PPFIA4: variants seen among roughly 807,000 people sequenced by gnomAD.
PPFIA4 encodes the protein PPFI scaffold protein A4.
In PPFIA4, 98 loss-of-function variants were observed where a neutral mutation model predicts 145.7. The observed-to-expected ratio is 0.67, with a 90% CI of 0.57 to 0.80. The LOEUF (loss-of-function observed/expected upper bound fraction) is 0.80, where lower values mean the gene tolerates loss of function less well. PPFIA4 is among the 30% of genes least tolerant of loss of function. The probability of loss-of-function intolerance (pLI) is 0.00; values close to 1 mark genes in which losing one functional copy is unlikely to be tolerated. For synonymous variants in PPFIA4, 628 were observed against 649.6 expected (o/e 0.97, Z 0.51); for missense variants, 1,457 against 1,632.7 (o/e 0.89, Z 1.85).
At chr1:203,047,949 G>A (rs1221766901) in intron 9 of PPFIA4, among the ~76,000 whole-genome samples, 2 of 152,182 alleles carry the variant, frequency 1.3e-5, no homozygotes, top group African/African-American at 2.4e-5. Flanking sequence ...GGAAGCATGG[G>A]GATTATTTAC....
chr1:203,069,858 C>T (rs909096938), intron 27 of PPFIA4, among the ~76,000 whole-genome samples: 26 of 151,330 alleles, frequency 1.7e-4, no homozygotes, highest in African/African-American at 6.3e-4. Flanking sequence ...GTTCTCTCCA[C>T]TTGCCCACTT....
At chr1:203,071,103 C>T (rs1005083823) in intron 27 of PPFIA4, among the ~76,000 whole-genome samples, 1 of 151,680 alleles carries the variant, frequency 6.6e-6, no homozygotes, top group African/African-American at 2.4e-5. Context: ...GTGTTCACAA[C>T]CATGCCCAGT....
intron 1 of PPFIA4, chr1:203,035,272 C>CT (rs1659154421): frequency 2.2e-6 from 1 of 456,594 alleles, no homozygotes; most frequent in Non-Finnish European, 4.4e-6. Context: ...TCCGCAGGGG[C>CT]TGGCAACCTT....
intron 27 of PPFIA4, among the ~76,000 whole-genome samples, chr1:203,070,563 C>A (rs866793156): frequency 3.9e-5 from 4 of 103,664 alleles, no homozygotes; most frequent in Non-Finnish European, 7.3e-5. Context: ...GCCTGGGCAA[C>A]AGAATGAGAC....
At chr1:203,044,283 C>A in intron 4 of PPFIA4, 96 bp from the exon 5 acceptor site, 2 of 1,260,904 alleles carry the variant, frequency 1.6e-6, no homozygotes, top group Non-Finnish European at 2.2e-6. Flanking sequence ...CCTTCACTGT[C>A]CTCATGCTCA....
In PPFIA4 at chr1:203,048,419, C is replaced by T; in HGVS notation, c.1224+109C>T. 2 of 1,474,966 alleles carry T rather than the reference C, an allele frequency of 1.4e-6. No homozygotes were observed. Among genetic ancestry groups the T allele is most frequent in the East Asian group, 2.4e-5 (1 of 40,996 alleles). 91.4% of individuals were successfully genotyped at this position (1,474,966 alleles called of 1,614,324 possible). A position where few individuals can be genotyped will look rare whatever the true frequency, so the allele number is the denominator to read the frequency against. On this transcript the variant is annotated intron_variant, in intron 10 of 29. Transcript: ENST00000295706. This position sits in a 1 kb window ranked among gnomAD's most constrained non-coding sequence, Gnocchi z 5.8. ...AAGGGCCTGGCCAGGGACACAGCCA[C>T]AGAGAGTGGGAGGAGGCTGGCAGGT...
In PPFIA4 at chr1:203,056,462, C is replaced by T. The variant is rs772096835; in HGVS notation, c.2194C>T (p.Leu732=). The T allele has an allele frequency of 2.1e-5, 34 of 1,613,886 alleles. No individual in the cohort carries two copies. Among genetic ancestry groups the T allele is most frequent in the Non-Finnish European group, 2.8e-5 (33 of 1,179,898 alleles). ...TCCTTCCTCACCCAGGACGCTGCGG[C>T]TAGAGAAGCTTGGCCACCCAGCCCT... The part of the protein sequence containing the change: ...SPPSSPRTLR[L]EKLGHPALSQ... The change falls in exon 18 of 30, where the codon CTA becomes TTA. Residue 732 remains leucine, a synonymous_variant. Transcript: ENST00000295706.
chr1:203,055,369 G>T lies in PPFIA4; in HGVS notation c.1830-63G>T, dbSNP rs924080111. The T allele has an allele frequency of 2.5e-6, 4 of 1,603,990 alleles. No individual in the cohort carries two copies. Among genetic ancestry groups the T allele is most frequent in the African/African-American group, 1.3e-5 (1 of 74,752 alleles). On this transcript the variant is annotated intron_variant, in intron 15 of 29. Coordinates refer to ENST00000295706, the MANE Select transcript of PPFIA4 (RefSeq NM_001304331.2). This position sits in a 1 kb window ranked among gnomAD's most constrained non-coding sequence, Gnocchi z 4.8. ...TGGTGGCGAGTGCAGGCATCGACCCGCACTGCCTCCTGCTGGTCCTGGCTG... is the reference window on the plus strand; with the variant it reads ...TGGTGGCGAGTGCAGGCATCGACCCTCACTGCCTCCTGCTGGTCCTGGCTG...
chr1:203,071,639 G>T (rs1408667832), intron 27 of PPFIA4, 53 bp from the exon 28 acceptor site: 2 of 1,364,628 alleles, frequency 1.5e-6, no homozygotes, highest in African/African-American at 2.9e-5. Context: ...TGGCATAAAG[G>T]TAGTTAACTA....
Position 203,045,531 on chromosome 1 carries a change from G to A in PPFIA4, c.830G>A (p.Ser277Asn), listed in dbSNP as rs1429612298. Residue 277 changes from serine to asparagine, a missense_variant, in exon 7 of 30, where the codon AGC becomes AAC. Around this residue, in one of 3 missense-constraint regions of PPFIA4, gnomAD observed 463 missense variants for 459.8 expected, o/e 1.01. Transcript: ENST00000295706. ...RRDLIKSEEL[S>N]SKHQRDLREA... ...GACCTCATCAAGTCGGAGGAGCTGA[G>A]CAGCAAGCATCAGCGGGACCTCCGG... 29 of 1,602,088 alleles carry A rather than the reference G, an allele frequency of 1.8e-5. No homozygotes were observed. Among genetic ancestry groups the A allele is most frequent in the Non-Finnish European group, 2.5e-5 (29 of 1,175,224 alleles).
intron 1 of PPFIA4, chr1:203,035,550 G>A (rs904053912): frequency 2.2e-6 from 1 of 456,786 alleles, no homozygotes; most frequent in Non-Finnish European, 4.4e-6. Flanking sequence ...CTCTTCCTCT[G>A]TTTCACAGCC....
At chr1:203,070,452 C>T (rs891520533) in intron 27 of PPFIA4, among the ~76,000 whole-genome samples, 8 of 151,974 alleles carry the variant, frequency 5.3e-5, no homozygotes, top group South Asian at 2.1e-4. Flanking sequence ...TTTGGTAATG[C>T]GTGACTGTAG....
At position 203,060,151 on chromosome 1, in the gene PPFIA4, C is replaced by G; in HGVS notation, c.2584-66C>G. The stretch of plus-strand genomic sequence containing the variant: ...GATGAGGCCTGGCCCTTGCCCCTTG[C>G]TGTTGCCAAACTCTTGGTGGTAGGG... On this transcript the variant is annotated intron_variant, in intron 21 of 29. Transcript: ENST00000295706. This position sits in a 1 kb window ranked among gnomAD's most constrained non-coding sequence, Gnocchi z 4.8. The G allele has an allele frequency of 1.3e-6, 2 of 1,525,344 alleles. No homozygotes were observed. Among genetic ancestry groups the G allele is most frequent in the Non-Finnish European group, 1.8e-6 (2 of 1,114,234 alleles). The allele number at this position is 1,525,344 out of a possible 1,614,324, so 94.5% of individuals were successfully genotyped here.
At chr1:203,036,848 A>G (rs1198754042) in intron 1 of PPFIA4, among the ~76,000 whole-genome samples, 1 of 152,174 alleles carries the variant, frequency 6.6e-6, no homozygotes, top group African/African-American at 2.4e-5. Flanking sequence ...CCAAGCTTCT[A>G]CTTTTTACTT....
chr1:203,076,593 G>A lies in PPFIA4; in HGVS notation c.*203G>A, dbSNP rs1662568495. 1.7e-6 allele frequency: 1 copy of A among 599,782 alleles called. No individual in the cohort carries two copies. Among genetic ancestry groups the A allele is most frequent in the Non-Finnish European group, 3.0e-6 (1 of 337,874 alleles). The allele number at this position is 599,782 out of a possible 1,614,324, so 37.2% of individuals were successfully genotyped here. ...CCGTGTGTCCGTTGTAAGTCCGGTG[G>A]ATGTGGCTGGGGTTTCCTGGTATTG... On this transcript the variant is annotated 3_prime_UTR_variant, in exon 30 of 30. Coordinates refer to ENST00000295706, the MANE Select transcript of PPFIA4 (RefSeq NM_001304331.2).
intron 19 of PPFIA4, among the ~76,000 whole-genome samples, chr1:203,057,168 C>G (rs1424628951): frequency 6.6e-6 from 1 of 152,212 alleles, no homozygotes; most frequent in Non-Finnish European, 1.5e-5. Flanking sequence ...CTGCAAGCGT[C>G]AGGAAGTGGC....
At chr1:203,051,566 T>G in intron 13 of PPFIA4, 1 of 980,920 alleles carries the variant, frequency 1.0e-6, no homozygotes. Context: ...CTCCCCTGGC[T>G]CATTCTGACC....
In PPFIA4 at chr1:203,060,869, A is replaced by G; in HGVS notation, c.2785-101A>G. 2 of 1,022,718 alleles carry G rather than the reference A, an allele frequency of 2.0e-6. No individual in the cohort carries two copies. Among genetic ancestry groups the G allele is most frequent in the Non-Finnish European group, 3.1e-6 (2 of 655,148 alleles). 63.4% of individuals were successfully genotyped at this position (1,022,718 alleles called of 1,614,324 possible). ...TTGAGACCAGCCCCCATTTCAGAGG[A>G]CTCAGGGAGGGAGCTTTGTCCTTGT... On this transcript the variant is annotated intron_variant, in intron 22 of 29. Coordinates refer to ENST00000295706, the MANE Select transcript of PPFIA4 (RefSeq NM_001304331.2). This position sits in a 1 kb window ranked among gnomAD's most constrained non-coding sequence, Gnocchi z 4.8.
chr1:203,069,328 G>C (rs1327728167), intron 27 of PPFIA4, among the ~76,000 whole-genome samples: 1 of 151,996 alleles, frequency 6.6e-6, no homozygotes, highest in African/African-American at 2.4e-5. Flanking sequence ...GATTTTATTT[G>C]TCCTGAAAAT....
Sources: allele counts gnomAD v4.1 joint callset (sites outside exome capture counted in the v4.1 genomes callset), GRCh38; gene constraint gnomAD v4.1.1; regional missense constraint gnomAD v4.1.1; non-coding constraint Gnocchi (gnomAD v3.1); transcripts MANE v1.5; gene names NCBI Gene and HGNC (gene_info 2026-07-23, HGNC 2026-07-21).